Variants in TBC1D14 observed in about 807,000 individuals in gnomAD.
TBC1D14 encodes TBC1 domain family, member 14.
TBC1D14 carries 26 observed loss-of-function variants against 79.0 expected under a neutral mutation model. The ratio of observed to expected loss-of-function variants is 0.33; its 90% confidence interval spans 0.24 to 0.46. The LOEUF is 0.46. TBC1D14 is among the 20% of genes least tolerant of loss of function. TBC1D14 has a pLI of 1.00. For missense variants in TBC1D14, 769 were observed against 887.6 expected (o/e 0.87, Z 1.70); for synonymous variants, 394 against 349.9 (o/e 1.13, Z -1.40).
At chr4:6,910,614 A>C (rs1328608831) in intron 1 of TBC1D14, 4 of 148,936 alleles carry the variant, frequency 2.7e-5, no homozygotes, top group African/African-American at 1.0e-4. Flanking sequence ...AAGTCCGGGG[A>C]CTCCTGGTCT....
In TBC1D14 at chr4:7,010,847, C is replaced by T. The variant is rs1314141375; in HGVS notation, c.1647+66C>T. On this transcript the variant is annotated intron_variant, in intron 11 of 13. Coordinates refer to ENST00000409757, the MANE Select transcript of TBC1D14 (RefSeq NM_020773.3). ...TAAATGTCAAGAGTTGCTTACTCGT[C>T]TGTGTTTTCGGTGGAAAAAAAGAAT... The T allele has an allele frequency of 1.9e-6, 3 of 1,542,046 alleles. No individual in the cohort carries two copies. The African/African-American group carries it at 4.2e-5, about 21-fold the overall frequency.
intron 11 of TBC1D14, among the ~76,000 whole-genome samples, chr4:7,013,285 C>T (rs1376468986): frequency 2.6e-5 from 4 of 152,340 alleles, no homozygotes; most frequent in Middle Eastern, 3.4e-3. Context: ...CCGGTTATGA[C>T]GACCAGAAGT....
intron 3 of TBC1D14, among the ~76,000 whole-genome samples, chr4:6,978,449 C>G (rs1319120855): frequency 6.7e-6 from 1 of 150,314 alleles, no homozygotes; most frequent in Non-Finnish European, 1.5e-5. Flanking sequence ...ACCCCCAACC[C>G]TGTGCTCTCT....
At chr4:6,912,306 G>A (rs1723062169) in intron 1 of TBC1D14, among the ~76,000 whole-genome samples, 1 of 147,484 alleles carries the variant, frequency 6.8e-6, no homozygotes, top group African/African-American at 2.5e-5. Flanking sequence ...CTTGAACCCG[G>A]GAGGTGGAGG....
chr4:6,971,382 T>G (rs1716216095), intron 3 of TBC1D14, among the ~76,000 whole-genome samples: 2 of 152,248 alleles, frequency 1.3e-5, no homozygotes, highest in Admixed American at 1.3e-4. Flanking sequence ...ATTTGTGGTG[T>G]TGATCCCATA....
intron 8 of TBC1D14, 89 bp downstream of exon 8, chr4:7,005,013 C>A (rs952692056): frequency 8.4e-7 from 1 of 1,195,722 alleles, no homozygotes; most frequent in Non-Finnish European, 1.2e-6. Flanking sequence ...ACGTTAACTA[C>A]AGTAGAGATT....
Position 7,025,172 on chromosome 4 carries a change from G to C in TBC1D14, c.1926G>C (p.Leu642=). The C allele has an allele frequency of 6.2e-7, 1 of 1,614,234 alleles. No homozygotes were observed. Among genetic ancestry groups the C allele is most frequent in the Non-Finnish European group, 8.5e-7 (1 of 1,180,038 alleles). The change falls in exon 13 of 14, where the codon CTG becomes CTC. Residue 642 remains leucine, a synonymous_variant. Coordinates refer to ENST00000409757, the MANE Select transcript of TBC1D14 (RefSeq NM_020773.3). ...KMDFIHMAQF[L]TRLPEDLPAE... ...ACTTCATTCACATGGCCCAGTTCCT[G>C]ACCCGGCTGCCCGAGGACCTGCCCG... is the stretch of plus-strand genomic sequence containing the variant.
intron 3 of TBC1D14, among the ~76,000 whole-genome samples, chr4:6,981,380 C>T (rs548589095): frequency 6.6e-6 from 1 of 152,170 alleles, no homozygotes; most frequent in Non-Finnish European, 1.5e-5. Context: ...TGCAAATCAC[C>T]AAAATTCATC....
Position 6,909,848 on chromosome 4 carries a change from C to G in TBC1D14, c.-121C>G, listed in dbSNP as rs1035399107. ...CGCACCTGCGGGTCGGACCCGCTGC[C>G]TACCGCGTGCCCGGCGTCCTCGTCG... On this transcript the variant is annotated 5_prime_UTR_variant, in exon 1 of 14. Coordinates refer to ENST00000409757, the MANE Select transcript of TBC1D14 (RefSeq NM_020773.3). The G allele has an allele frequency of 1.3e-5, 2 of 148,230 alleles. No homozygotes were observed. The highest frequency in any genetic ancestry group is 3.0e-5 in the Non-Finnish European group (2 of 66,436). The allele number at this position is 148,230 out of a possible 1,614,324, so 9.2% of individuals were successfully genotyped here. A position where few individuals can be genotyped will look rare whatever the true frequency, so the allele number is the denominator to read the frequency against.
chr4:6,975,984 T>C (rs1004880151), intron 3 of TBC1D14, among the ~76,000 whole-genome samples: 3 of 152,164 alleles, frequency 2.0e-5, no homozygotes, highest in Non-Finnish European at 2.9e-5. Flanking sequence ...TCCCAGCTAC[T>C]TGGGAGGCTG....
chr4:6,987,097 C>T (rs999131289), intron 3 of TBC1D14: 5 of 1,112,068 alleles, frequency 4.5e-6, no homozygotes, highest in Admixed American at 4.6e-5. Context: ...CTTGTGCCCG[C>T]CCCTCGCCGC....
intron 3 of TBC1D14, among the ~76,000 whole-genome samples, chr4:6,985,827 C>T (rs1324105726): frequency 1.3e-5 from 2 of 152,160 alleles, no homozygotes; most frequent in African/African-American, 2.4e-5. Context: ...ACAAGGCGTT[C>T]GCTAATCCTT....
At chr4:7,021,763 G>T (rs1285926476) in intron 12 of TBC1D14, among the ~76,000 whole-genome samples, 1 of 151,820 alleles carries the variant, frequency 6.6e-6, no homozygotes, top group African/African-American at 2.4e-5. Flanking sequence ...GAGGCAAAAC[G>T]TAAACATCTT....
chr4:7,000,617 A>G (rs17742611), intron 6 of TBC1D14, among the ~76,000 whole-genome samples: 65,072 of 152,034 alleles, frequency 0.43, 14,685 homozygotes, highest in East Asian at 0.61. Flanking sequence ...ACAGCCTACA[A>G]TGTTCTGAGT....
chr4:6,944,775 C>G (rs1013788079), intron 2 of TBC1D14, among the ~76,000 whole-genome samples: 2 of 152,246 alleles, frequency 1.3e-5, no homozygotes, highest in Non-Finnish European at 2.9e-5. Context: ...TTCCACGGGA[C>G]TGGCTGGACA....
At chr4:6,921,127 G>A (rs771255030) in intron 1 of TBC1D14, among the ~76,000 whole-genome samples, 2 of 152,206 alleles carry the variant, frequency 1.3e-5, no homozygotes, top group Non-Finnish European at 1.5e-5. Context: ...TGTTCTCAGT[G>A]TGCTGGGGCT....
intron 1 of TBC1D14, chr4:6,910,704 C>T (rs908283508): frequency 1.3e-5 from 2 of 152,260 alleles, no homozygotes; most frequent in Non-Finnish European, 2.9e-5. Flanking sequence ...GAGAATGACC[C>T]TGTGGACTCC....
Position 7,031,405 on chromosome 4 carries a change from T to A in TBC1D14, c.*1013T>A, listed in dbSNP as rs1723027241. ...ATTTGACTTTAGAACGTGTGCTTCA[T>A]GACCCGTTGTACAGACGGAGGAGCG... is the stretch of plus-strand genomic sequence containing the variant. On this transcript the variant is annotated 3_prime_UTR_variant, in exon 14 of 14. Coordinates refer to ENST00000409757, the MANE Select transcript of TBC1D14 (RefSeq NM_020773.3). The A allele has an allele frequency of 6.6e-6, 1 of 152,298 alleles. No homozygotes were observed. Among genetic ancestry groups the A allele is most frequent in the Admixed American group, 6.5e-5 (1 of 15,292 alleles). The allele number at this position is 152,298 out of a possible 1,614,324, so 9.4% of individuals were successfully genotyped here.
chr4:7,028,929 C>T lies in TBC1D14; in HGVS notation c.2017-1398C>T, dbSNP rs539747170. Among the ~76,000 whole-genome samples the T allele has an allele frequency of 1.9e-3, 285 of 152,210 alleles. 2 individuals carry two copies. Among genetic ancestry groups the T allele is most frequent in the African/African-American group, 6.5e-3 (271 of 41,520 alleles). On this transcript the variant is annotated intron_variant, in intron 13 of 13. Transcript: ENST00000409757. ...CACAGCTCACTGCAGCCTGAACCTCCGGGGCTCAAGCAATTCTTCCACCTC... is the reference window on the plus strand; with the variant it reads ...CACAGCTCACTGCAGCCTGAACCTCTGGGGCTCAAGCAATTCTTCCACCTC...
Sources: gnomAD v4.1 joint callset for allele counts (sites outside exome capture counted in the v4.1 genomes callset) on GRCh38, gnomAD v4.1.1 for gene constraint, MANE v1.5 for transcripts, NCBI Gene and HGNC (gene_info 2026-07-23, HGNC 2026-07-21) for gene names.